PKHD1: variants seen among roughly 807,000 people sequenced by gnomAD.
PKHD1 encodes fibrocystin.
PKHD1 carries 291 observed loss-of-function variants against 412.0 expected under a neutral mutation model. The observed-to-expected ratio is 0.71, with a 90% CI of 0.64 to 0.78. The LOEUF (loss-of-function observed/expected upper bound fraction) is 0.78. Among genes scored for constraint, PKHD1 ranks in the 30% least tolerant of loss-of-function variants. PKHD1 has a pLI of 0.00. For synonymous variants in PKHD1, 1,777 were observed against 1,821.5 expected, an observed-to-expected ratio of 0.98 and a Z score of 0.62; for missense variants, 4,825 against 4,950.7, an observed-to-expected ratio of 0.97 and a Z score of 0.76.
At chr6:52,065,813 A>T (rs1039848572) in intron 12 of PKHD1, among the ~76,000 whole-genome samples, 163 bp downstream of exon 12, 13 of 152,184 alleles carry the variant, frequency 8.5e-5, no homozygotes, top group Non-Finnish European at 1.3e-4. Context: ...GTACTGTAGG[A>T]CCAAAATCCC....
At chr6:51,893,651 C>T (rs1040023629) in intron 43 of PKHD1, among the ~76,000 whole-genome samples, 3 of 152,090 alleles carry the variant, frequency 2.0e-5, no homozygotes, top group East Asian at 1.9e-4. Context: ...CAATTATTTG[C>T]GGAAGTCAAT....
Position 51,619,291 on chromosome 6 carries a change from C to T in PKHD1, c.12015G>A (p.Gln4005=). The T allele has an allele frequency of 1.9e-6, 3 of 1,614,276 alleles. No homozygotes were observed. Among genetic ancestry groups the T allele is most frequent in the Non-Finnish European group, 2.5e-6 (3 of 1,180,052 alleles). Residue 4005 remains glutamine, a synonymous_variant, in exon 67 of 67, where the codon CAG becomes CAA. Coordinates refer to ENST00000371117, the MANE Select transcript of PKHD1 (RefSeq NM_138694.4). ...ETGNWKEGQE[Q]LLRYQLAGQN... ...GGCCTGCCAGCTGGTATCTGAGCAA[C>T]TGCTCTTGGCCCTCCTTCCAGTTCC... is the stretch of plus-strand genomic sequence containing the variant.
At chr6:51,968,845 T>C (rs775753048) in intron 35 of PKHD1, among the ~76,000 whole-genome samples, 1 of 152,106 alleles carries the variant, frequency 6.6e-6, no homozygotes, top group Non-Finnish European at 1.5e-5. Context: ...CCTTCTCAAA[T>C]CCTCAAATTC....
Position 52,046,159 on chromosome 6 carries a change from G to T in PKHD1, c.2437C>A (p.Leu813Ile). ...DVPVQISAHHLHQLLQNNADD... is the reference protein window; with the variant it reads ...DVPVQISAHHIHQLLQNNADD... Reference sequence around the variant, plus strand: ...GCATTATTCTGTAAGAGCTGGTGAAGGTGATGAGCAGAAATTTGTACAGGG... The same window carrying T: ...GCATTATTCTGTAAGAGCTGGTGAATGTGATGAGCAGAAATTTGTACAGGG... The change falls in exon 24 of 67, where the codon CTT (leucine) becomes ATT (isoleucine). Residue 813 changes from leucine to isoleucine, a missense_variant. Physicochemically the swap from Leu to Ile is conservative, Grantham distance 5 (BLOSUM62 2). Coordinates refer to ENST00000371117, the MANE Select transcript of PKHD1 (RefSeq NM_138694.4). 6.2e-7 allele frequency: 1 copy of T among 1,613,678 alleles called. No homozygotes were observed. Among genetic ancestry groups the T allele is most frequent in the East Asian group, 2.2e-5 (1 of 44,874 alleles).
At chr6:51,744,284 G>A (rs1784923662) in intron 60 of PKHD1, 101 bp downstream of exon 60, 1 of 996,584 alleles carries the variant, frequency 1.0e-6, no homozygotes, top group Non-Finnish European at 1.6e-6. Context: ...TAGAATTTAG[G>A]TCTTCACCAG....
intron 10 of PKHD1, among the ~76,000 whole-genome samples, 165 bp downstream of exon 10, chr6:52,070,241 C>A (rs1810401422): frequency 6.6e-6 from 1 of 152,116 alleles, no homozygotes; most frequent in Non-Finnish European, 1.5e-5. Flanking sequence ...ACTTCATTCA[C>A]CCAGGTAAAA....
Position 51,925,438 on chromosome 6 carries a change from CGTGTGTGTGTGTGTGTAT to C in PKHD1, c.6121+8654_6121+8671del, listed in dbSNP as rs1184395571. Among the ~76,000 whole-genome samples, 49 of 147,488 alleles carry C rather than the reference CGTGTGTGTGTGTGTGTAT, an allele frequency of 3.3e-4. 1 individual carries two copies. The highest frequency in any genetic ancestry group is 1.2e-3 in the African/African-American group (46 of 39,912). On this transcript the variant is annotated intron_variant, in intron 37 of 66. Coordinates refer to ENST00000371117, the MANE Select transcript of PKHD1 (RefSeq NM_138694.4). ...CTTTAGCTAAATGTAAATTGTTCTT[CGTGTGTGTGTGTGTGTAT>C]GTGTGTGTGTGTGTGTGTGTGTGTA...
chr6:51,657,534 C>T (rs1772083248), intron 61 of PKHD1, among the ~76,000 whole-genome samples: 2 of 151,818 alleles, frequency 1.3e-5, no homozygotes, highest in Admixed American at 1.3e-4. Flanking sequence ...GAACACATTC[C>T]AACACAAAAT....
intron 35 of PKHD1, among the ~76,000 whole-genome samples, chr6:51,961,576 A>G (rs1449359447): frequency 6.6e-6 from 1 of 152,122 alleles, no homozygotes; most frequent in Non-Finnish European, 1.5e-5. Context: ...TTGGTAAAAT[A>G]ATAAACAGTA....
intron 52 of PKHD1, among the ~76,000 whole-genome samples, chr6:51,811,128 T>G (rs1472549675): frequency 6.6e-6 from 1 of 152,162 alleles, no homozygotes; most frequent in Admixed American, 6.5e-5. Flanking sequence ...AGATTTTTAT[T>G]TTTCTCCAGG....
At chr6:52,027,736 A>C in intron 31 of PKHD1, 93 bp downstream of exon 31, 1 of 922,378 alleles carries the variant, frequency 1.1e-6, no homozygotes, top group Non-Finnish European at 1.8e-6. Context: ...CCTCTCTCTG[A>C]CCTCACTGGC....
At position 51,747,799 on chromosome 6, in the gene PKHD1, T is replaced by G. The variant is rs1562221107; in HGVS notation, c.9817A>C (p.Met3273Leu). ...TAAAACATCCTACCTTGAAGTTTCA[T>G]GATTCCTGAAATTGAATGATCATTC... is the stretch of plus-strand genomic sequence containing the variant. ...VRNDHSISGI[M>L]KLQDVTFSSF... is the part of the protein sequence containing the mutation. The change falls in exon 58 of 67, where the codon ATG (methionine) becomes CTG (leucine). Residue 3273 changes from methionine to leucine, a missense_variant. Transcript: ENST00000371117. 6.2e-7 allele frequency: 1 copy of G among 1,613,714 alleles called. No individual in the cohort carries two copies. Among genetic ancestry groups the G allele is most frequent in the East Asian group, 2.2e-5 (1 of 44,862 alleles).
At chr6:51,667,906 T>C (rs1581950172) in intron 60 of PKHD1, among the ~76,000 whole-genome samples, 3 of 152,162 alleles carry the variant, frequency 2.0e-5, no homozygotes, top group South Asian at 2.1e-4. Context: ...TTGATCTATA[T>C]CTCTGTTTTG....
intron 52 of PKHD1, among the ~76,000 whole-genome samples, chr6:51,825,885 C>A (rs1226340246): frequency 6.6e-6 from 1 of 152,028 alleles, no homozygotes; most frequent in Non-Finnish European, 1.5e-5. Context: ...GGCTTTACTG[C>A]TTTTATGTCC....
chr6:51,751,233 G>C (rs1030036845), intron 57 of PKHD1, among the ~76,000 whole-genome samples: 1 of 152,136 alleles, frequency 6.6e-6, no homozygotes, highest in African/African-American at 2.4e-5. Flanking sequence ...GGACTCAAAA[G>C]TCTTGGCCTG....
At chr6:51,898,290 A>G in intron 43 of PKHD1, among the ~76,000 whole-genome samples, 4 of 147,136 alleles carry the variant, frequency 2.7e-5, no homozygotes, top group African/African-American at 1.0e-4. Flanking sequence ...CAAATGTAAA[A>G]GAACAGAAAT....
chr6:51,901,046 A>G (rs1398985830), intron 43 of PKHD1, among the ~76,000 whole-genome samples: 6 of 151,578 alleles, frequency 4.0e-5, no homozygotes, highest in Non-Finnish European at 8.8e-5. Context: ...GTGGAGAAAT[A>G]GGAACACTTT....
At chr6:52,012,010 T>C (rs731735) in intron 34 of PKHD1, among the ~76,000 whole-genome samples, 1,926 of 152,332 alleles carry the variant, frequency 0.013, 27 homozygotes, top group South Asian at 0.046. Flanking sequence ...TGCAGCTTTC[T>C]GAGGATTTCA....
intron 35 of PKHD1, among the ~76,000 whole-genome samples, chr6:51,992,363 T>C (rs1640532386): frequency 6.6e-6 from 1 of 152,270 alleles, no homozygotes; most frequent in Admixed American, 6.5e-5. Flanking sequence ...AAAACAGCGA[T>C]TACATACTTG....
Sources: gnomAD v4.1 joint callset for allele counts (sites outside exome capture counted in the v4.1 genomes callset) on GRCh38, gnomAD v4.1.1 for gene constraint, MANE v1.5 for transcripts, NCBI Gene and HGNC (gene_info 2026-07-23, HGNC 2026-07-21) for gene names.